PCSK2: variants seen among roughly 807,000 people sequenced by gnomAD.
The protein encoded by PCSK2 is proprotein convertase subtilisin/kexin type 2.
A neutral mutation model predicts 69.7 loss-of-function variants in PCSK2; 14 were observed. That is an observed-to-expected ratio of 0.20 (90% CI 0.13 to 0.31). The LOEUF (loss-of-function observed/expected upper bound fraction) is 0.31. Among genes scored for constraint, PCSK2 ranks in the 10% least tolerant of loss-of-function variants. PCSK2 has a pLI of 1.00. For synonymous variants in PCSK2, 307 were observed against 320.7 expected, an observed-to-expected ratio of 0.96 and a Z score of 0.46; for missense variants, 544 against 842.5, an observed-to-expected ratio of 0.65 and a Z score of 4.39.
chr20:17,299,370 A>C (rs935070070), intron 2 of PCSK2, among the ~76,000 whole-genome samples: 1 of 152,162 alleles, frequency 6.6e-6, no homozygotes, highest in African/African-American at 2.4e-5. Context: ...GTTTCATCAA[A>C]TCTATCTTTT....
intron 5 of PCSK2, among the ~76,000 whole-genome samples, chr20:17,405,014 G>A (rs548963732): frequency 7.9e-5 from 12 of 152,268 alleles, no homozygotes; most frequent in African/African-American, 2.2e-4. Flanking sequence ...CTTTGCTGTC[G>A]GTGATCAAAG....
chr20:17,336,229 G>C (rs531525261), intron 2 of PCSK2, among the ~76,000 whole-genome samples: 1 of 152,308 alleles, frequency 6.6e-6, no homozygotes, highest in South Asian at 2.1e-4. Flanking sequence ...CAGGGAAACA[G>C]GTTGCTGCCT....
At chr20:17,290,411 T>C (rs557375000) in intron 2 of PCSK2, among the ~76,000 whole-genome samples, 1 of 152,368 alleles carries the variant, frequency 6.6e-6, no homozygotes, top group East Asian at 1.9e-4. Context: ...TTTAAATTTC[T>C]AATAATCATA....
intron 1 of PCSK2, among the ~76,000 whole-genome samples, chr20:17,242,234 G>A (rs2122956457): frequency 6.6e-6 from 1 of 152,352 alleles, no homozygotes; most frequent in African/African-American, 2.4e-5. Context: ...GAATGGCATA[G>A]GAGTAGGCAG....
chr20:17,292,531 A>T (rs955502597), intron 2 of PCSK2, among the ~76,000 whole-genome samples: 1 of 152,230 alleles, frequency 6.6e-6, no homozygotes, highest in Non-Finnish European at 1.5e-5. Context: ...TAATTTATCT[A>T]GACCTGATTG....
At chr20:17,315,496 G>A (rs1486082618) in intron 2 of PCSK2, among the ~76,000 whole-genome samples, 3 of 152,162 alleles carry the variant, frequency 2.0e-5, no homozygotes. Context: ...AAAGCGTCCC[G>A]GTGCACAGCG....
At chr20:17,391,226 T>C (rs1244104459) in intron 5 of PCSK2, among the ~76,000 whole-genome samples, 2 of 152,204 alleles carry the variant, frequency 1.3e-5, no homozygotes, top group Non-Finnish European at 1.5e-5. Context: ...GAGAATCCCT[T>C]CTCATTTTGA....
chr20:17,441,570 G>T (rs1382177675), intron 8 of PCSK2, among the ~76,000 whole-genome samples: 1 of 152,180 alleles, frequency 6.6e-6, no homozygotes, highest in Non-Finnish European at 1.5e-5. Context: ...GTTCCACATA[G>T]CTGGGGAGAC....
chr20:17,310,074 C>G lies in PCSK2; in HGVS notation c.283-48253C>G, dbSNP rs187463160. 1.1e-3 allele frequency among the ~76,000 whole-genome samples: 160 copies of G among 152,034 alleles called. 1 individual carries two copies. The highest frequency in any genetic ancestry group is 3.8e-3 in the African/African-American group (157 of 41,462). The stretch of plus-strand genomic sequence containing the variant: ...GAGCAGGCATCTTCCAAATCAGGAG[C>G]AGGAGCAAGAGAAAGAGCAAGGGGG... On this transcript the variant is annotated intron_variant, in intron 2 of 11. Transcript: ENST00000262545.
intron 2 of PCSK2, among the ~76,000 whole-genome samples, chr20:17,284,349 T>A (rs1988438222): frequency 6.6e-6 from 1 of 152,184 alleles, no homozygotes; most frequent in Non-Finnish European, 1.5e-5. Flanking sequence ...CCTTATGCTT[T>A]GCTAACTGTG....
chr20:17,375,136 A>G (rs1394407481), intron 5 of PCSK2, among the ~76,000 whole-genome samples: 1 of 152,182 alleles, frequency 6.6e-6, no homozygotes, highest in African/African-American at 2.4e-5. Context: ...GATGCTCAAT[A>G]AGCATTCATT....
At chr20:17,326,797 A>C (rs1308045032) in intron 2 of PCSK2, among the ~76,000 whole-genome samples, 3 of 152,182 alleles carry the variant, frequency 2.0e-5, no homozygotes, top group East Asian at 1.9e-4. Context: ...TCTGAGACAA[A>C]GGATTTATTT....
chr20:17,255,648 C>T (rs6034785), intron 1 of PCSK2, among the ~76,000 whole-genome samples: 5 of 152,104 alleles, frequency 3.3e-5, no homozygotes, highest in Non-Finnish European at 7.4e-5. Context: ...GCCTTCATTC[C>T]TAATTTTTTA....
chr20:17,390,101 A>T (rs1228321109), intron 5 of PCSK2, among the ~76,000 whole-genome samples: 3 of 152,254 alleles, frequency 2.0e-5, no homozygotes, highest in African/African-American at 7.2e-5. Context: ...TGCATACAGT[A>T]CAATAGGCAA....
rs113487407 is a variant in PCSK2 at position 17,481,413 on chromosome 20, A to AAAAAGAG, written c.1431-170_1431-169insAAAGAGA. ...CAAAAAAAAAAAAAAAAAAAAAAAA[A>AAAAAGAG]AGAGATAAGTAACTTACTCAGGCTC... is the stretch of plus-strand genomic sequence containing the variant. On this transcript the variant is annotated intron_variant, in intron 11 of 11. Transcript: ENST00000262545. Among the ~76,000 whole-genome samples, 383 of 115,814 alleles carry AAAAAGAG rather than the reference A, an allele frequency of 3.3e-3. 59 individuals are homozygous for AAAAAGAG. The highest frequency in any genetic ancestry group is 0.013 in the African/African-American group (326 of 25,830). The allele number at this position is 115,814 out of a possible 152,430, so 76.0% of individuals were successfully genotyped here.
At chr20:17,280,497 G>A (rs1455831270) in intron 2 of PCSK2, among the ~76,000 whole-genome samples, 2 of 152,180 alleles carry the variant, frequency 1.3e-5, no homozygotes, top group Non-Finnish European at 2.9e-5. Context: ...TTGTGTTTTA[G>A]AAAGTGTGGC....
chr20:17,388,924 CATT>C (rs2031304929), intron 5 of PCSK2, among the ~76,000 whole-genome samples: 1 of 152,042 alleles, frequency 6.6e-6, no homozygotes, highest in Non-Finnish European at 1.5e-5. Flanking sequence ...CTCTGGGGCT[CATT>C]ATATTCTGAG....
Position 17,436,874 on chromosome 20 carries a change from C to T in PCSK2, c.876C>T (p.Gly292=), listed in dbSNP as rs144858315. 7.5e-5 allele frequency: 120 copies of T among 1,609,764 alleles called. No homozygotes were observed. In the African/African-American group the frequency reaches 1.2e-3, roughly 17 times the overall value. Residue 292 remains glycine (G), a synonymous_variant, in exon 8 of 12, where the codon GGC becomes GGT. Transcript: ENST00000262545. ...TCACGCTGCAGGCCATGGCCGATGG[C>T]GTGAACAAGGTAAGGGGGCCGGCCC... ...RELTLQAMAD[G]VNKGRGGKGS...
chr20:17,444,514 A>G (rs962010034), intron 8 of PCSK2, among the ~76,000 whole-genome samples: 2 of 152,122 alleles, frequency 1.3e-5, no homozygotes, highest in African/African-American at 4.8e-5. Context: ...CAGTTACAGC[A>G]TTTTTCACGT....
Sources: gnomAD v4.1 joint callset for allele counts (sites outside exome capture counted in the v4.1 genomes callset) on GRCh38, gnomAD v4.1.1 for gene constraint, MANE v1.5 for transcripts, NCBI Gene and HGNC (gene_info 2026-07-23, HGNC 2026-07-21) for gene names.